Variants in PDE11A observed in about 807,000 individuals in gnomAD.
PDE11A encodes dual 3',5'-cyclic-AMP and -GMP phosphodiesterase 11A.
PDE11A carries 100 observed loss-of-function variants against 100.5 expected under a neutral mutation model. The observed-to-expected ratio is 1.00, with a 90% CI of 0.85 to 1.18. PDE11A has a LOEUF of 1.18. Ranked by LOEUF, PDE11A falls within the 50% of genes most tolerant of loss-of-function variation. PDE11A has a pLI of 0.00. For synonymous variants in PDE11A, 381 were observed against 420.8 expected (o/e 0.91, Z 1.16); for missense variants, 1,141 against 1,152.6 (o/e 0.99, Z 0.15).
intron 6 of PDE11A, among the ~76,000 whole-genome samples, chr2:177,823,499 T>A (rs115912934): frequency 0.028 from 4,320 of 152,286 alleles, 80 homozygotes; most frequent in Middle Eastern, 0.099. Context: ...CATTATTTTA[T>A]ACTTTTTACA....
intron 10 of PDE11A, among the ~76,000 whole-genome samples, chr2:177,736,267 T>A (rs551441827): frequency 5.3e-5 from 8 of 151,962 alleles, no homozygotes; most frequent in Non-Finnish European, 1.2e-4. Context: ...ATCCCAGCAC[T>A]TTGGGAGGCC....
At chr2:177,800,294 T>C (rs2082771676) in intron 9 of PDE11A, among the ~76,000 whole-genome samples, 1 of 152,062 alleles carries the variant, frequency 6.6e-6, no homozygotes, top group Non-Finnish European at 1.5e-5. Flanking sequence ...CTCAGCTTCC[T>C]GAGTAGCTGG....
Position 177,804,307 on chromosome 2 carries a change from G to A in PDE11A, c.1737+12522C>T, listed in dbSNP as rs769865397. Among the ~76,000 whole-genome samples, 207 of 146,778 alleles carry A rather than the reference G, an allele frequency of 1.4e-3. 1 individual carries two copies. The highest frequency in any genetic ancestry group is 3.2e-3 in the Admixed American group (47 of 14,766). ...AAAGTGGGGAAAGGACATGTAAGCCGGCAACAAATACATGAAAAAAATGTT... is the reference window on the plus strand; with the variant it reads ...AAAGTGGGGAAAGGACATGTAAGCCAGCAACAAATACATGAAAAAAATGTT... On this transcript the variant is annotated intron_variant, in intron 9 of 19. Coordinates refer to ENST00000286063, the MANE Select transcript of PDE11A (RefSeq NM_016953.4).
chr2:177,921,313 A>G (rs1246331939), intron 2 of PDE11A, among the ~76,000 whole-genome samples: 1 of 151,748 alleles, frequency 6.6e-6, no homozygotes, highest in Non-Finnish European at 1.5e-5. Flanking sequence ...TCATTAGCAT[A>G]TTGATACAAA....
At chr2:177,839,243 AG>A (rs2083449834) in intron 6 of PDE11A, among the ~76,000 whole-genome samples, 3 of 152,156 alleles carry the variant, frequency 2.0e-5, no homozygotes, top group African/African-American at 7.2e-5. Flanking sequence ...GTGGAGTTTG[AG>A]AGGTAGTAGG....
chr2:178,087,655 C>A (rs1490224801), intron 2 of PDE11A, among the ~76,000 whole-genome samples: 1 of 152,034 alleles, frequency 6.6e-6, no homozygotes, highest in East Asian at 1.9e-4. Context: ...GTGATGGATA[C>A]CCTAAAGCTC....
At chr2:177,850,898 A>G (rs1442198850) in intron 5 of PDE11A, among the ~76,000 whole-genome samples, 2 of 152,090 alleles carry the variant, frequency 1.3e-5, no homozygotes, top group Non-Finnish European at 2.9e-5. Flanking sequence ...AGGTGCTGGA[A>G]AGGATGTGGA....
chr2:177,633,897 A>G (rs7573345), intron 19 of PDE11A, among the ~76,000 whole-genome samples: 132,416 of 152,192 alleles, frequency 0.87, 57,739 homozygotes, highest in East Asian at 0.98. Flanking sequence ...AGCATAAATT[A>G]GAATTTTTTT....
chr2:177,659,625 GGTTAA>G (rs2080444368), intron 19 of PDE11A, among the ~76,000 whole-genome samples: 1 of 152,110 alleles, frequency 6.6e-6, no homozygotes. Context: ...ACTGAGATTT[GGTTAA>G]GTTGAGAATG....
At chr2:177,859,129 G>A (rs1005611870) in intron 5 of PDE11A, among the ~76,000 whole-genome samples, 1 of 151,944 alleles carries the variant, frequency 6.6e-6, no homozygotes, top group Admixed American at 6.6e-5. Context: ...ATAGCATTAG[G>A]AGATATACCT....
At chr2:177,708,531 A>G (rs531040098) in intron 13 of PDE11A, among the ~76,000 whole-genome samples, 1 of 152,318 alleles carries the variant, frequency 6.6e-6, no homozygotes, top group Admixed American at 6.5e-5. Context: ...TACTGGGCTT[A>G]ATACCTGGGT....
intron 2 of PDE11A, among the ~76,000 whole-genome samples, chr2:177,920,794 C>T (rs1046202688): frequency 9.9e-5 from 15 of 152,034 alleles, no homozygotes; most frequent in Admixed American, 8.5e-4. Flanking sequence ...CAGGCGCGGT[C>T]GCTCATGCCT....
intron 1 of PDE11A, among the ~76,000 whole-genome samples, chr2:178,066,172 A>G (rs1040765140): frequency 6.6e-6 from 1 of 152,096 alleles, no homozygotes; most frequent in African/African-American, 2.4e-5. Context: ...GGAATAGAAA[A>G]GCACTATCTG....
At chr2:178,053,144 C>T (rs2086850447) in intron 1 of PDE11A, among the ~76,000 whole-genome samples, 2 of 152,160 alleles carry the variant, frequency 1.3e-5, no homozygotes, top group Admixed American at 6.5e-5. Context: ...AATCCAGCAG[C>T]ACATCAGAAA....
chr2:178,096,169 C>CTTTTTTTTTTTTTTTTTTTTTTTTTTTTT lies in PDE11A; in HGVS notation c.162+8132_162+8133insAAAAAAAAAAAAAAAAAAAAAAAAAAAAA, dbSNP rs71010857. Among the ~76,000 whole-genome samples the CTTTTTTTTTTTTTTTTTTTTTTTTTTTTT allele has an allele frequency of 2.7e-4, 33 of 120,126 alleles. 3 individuals are homozygous for CTTTTTTTTTTTTTTTTTTTTTTTTTTTTT. The highest frequency in any genetic ancestry group is 5.5e-4 in the African/African-American group (17 of 31,008). The allele number at this position is 120,126 out of a possible 152,430, so 78.8% of individuals were successfully genotyped here. ...AGAAAACAGGTTTTTCTTTTCTTTT[C>CTTTTTTTTTTTTTTTTTTTTTTTTTTTTT]TTTTTTTTTTTTGAGATGGAGTCTC... On this transcript the variant is annotated intron_variant, in intron 2 of 20. Transcript: ENST00000358450.
chr2:177,717,394 AAT>A (rs1016688807), intron 12 of PDE11A, among the ~76,000 whole-genome samples: 1 of 151,878 alleles, frequency 6.6e-6, no homozygotes, highest in Admixed American at 6.6e-5. Flanking sequence ...TGCTGAAGAC[AAT>A]ATACTTTCAA....
At chr2:178,040,061 C>CTTTTTT (rs5836641) in intron 1 of PDE11A, among the ~76,000 whole-genome samples, 1 of 109,730 alleles carries the variant, frequency 9.1e-6, no homozygotes, top group African/African-American at 3.4e-5. Context: ...AATGTAGTGG[C>CTTTTTT]TTTTTTTTTT....
chr2:178,104,474 G>T lies in PDE11A; in HGVS notation c.-11C>A, dbSNP rs370690629. ...TGCCTGCTTCAGCATCTCCCATGTT[G>T]CTCTGCAATGGAACATTAAAACCAC... On this transcript the variant is annotated splice_region_variant and 5_prime_UTR_variant, in exon 2 of 21. Transcript: ENST00000358450. 36 of 1,613,168 alleles carry T rather than the reference G, an allele frequency of 2.2e-5. No individual in the cohort carries two copies. The Admixed American group carries it at 6.0e-4, about 27-fold the overall frequency.
At chr2:177,841,269 T>C (rs1314317852) in intron 5 of PDE11A, among the ~76,000 whole-genome samples, 2 of 152,196 alleles carry the variant, frequency 1.3e-5, no homozygotes, top group Non-Finnish European at 2.9e-5. Context: ...TTGAGAACTG[T>C]TCAAATTAGT....
Sources: allele counts gnomAD v4.1 joint callset (sites outside exome capture counted in the v4.1 genomes callset), GRCh38; gene constraint gnomAD v4.1.1; transcripts MANE v1.5; gene names NCBI Gene and HGNC (gene_info 2026-07-23, HGNC 2026-07-21).